The following EPHA6 variants were observed in gnomAD, a reference collection of about 807,000 sequenced individuals.
The protein encoded by EPHA6 is ephrin type-A receptor 6.
Under a neutral mutation model 112.0 loss-of-function variants are expected in EPHA6, and 50 were observed. The observed-to-expected ratio is 0.45, with a 90% CI of 0.36 to 0.56. The LOEUF (loss-of-function observed/expected upper bound fraction) is 0.56, where lower values mean the gene tolerates loss of function less well. Among genes scored for constraint, EPHA6 ranks in the 20% least tolerant of loss-of-function variants. The pLI, the probability that EPHA6 is intolerant of heterozygous loss-of-function variation, is 0.00. For missense variants in EPHA6, 1,280 were observed against 1,417.4 expected, an observed-to-expected ratio of 0.90 and a Z score of 1.56; for synonymous variants, 529 against 490.7, an observed-to-expected ratio of 1.08 and a Z score of -1.03.
intron 3 of EPHA6, among the ~76,000 whole-genome samples, chr3:97,093,114 G>T (rs1389516552): frequency 6.6e-6 from 1 of 152,098 alleles, no homozygotes; most frequent in Non-Finnish European, 1.5e-5. Context: ...GGATAGAAAT[G>T]GGAGCTGAGA....
intron 5 of EPHA6, among the ~76,000 whole-genome samples, chr3:97,286,956 T>A (rs935264342): frequency 2.0e-5 from 3 of 152,020 alleles, no homozygotes; most frequent in African/African-American, 7.2e-5. Flanking sequence ...GTCTTTCACA[T>A]TCTTGATTAA....
intron 1 of EPHA6, among the ~76,000 whole-genome samples, chr3:96,854,534 C>A (rs536829764): frequency 6.6e-6 from 1 of 151,960 alleles, no homozygotes; most frequent in African/African-American, 2.4e-5. Flanking sequence ...ATTGTAATCA[C>A]CCTGAAGGCA....
At chr3:97,166,381 A>AT (rs1553714179) in intron 3 of EPHA6, among the ~76,000 whole-genome samples, 7 of 152,048 alleles carry the variant, frequency 4.6e-5, no homozygotes, top group Non-Finnish European at 4.4e-5. Context: ...AAAAAAAAAA[A>AT]ATAACAAACG....
chr3:96,909,327 A>C (rs886628398), intron 2 of EPHA6, among the ~76,000 whole-genome samples: 1 of 151,974 alleles, frequency 6.6e-6, no homozygotes, highest in Non-Finnish European at 1.5e-5. Context: ...ATAATCTTTG[A>C]AATAGTGTTC....
intron 3 of EPHA6, among the ~76,000 whole-genome samples, chr3:97,196,112 T>G (rs1347307302): frequency 6.6e-6 from 1 of 151,426 alleles, no homozygotes; most frequent in African/African-American, 2.4e-5. Flanking sequence ...GGCCAGTAAC[T>G]CCTAGATTTG....
intron 7 of EPHA6, among the ~76,000 whole-genome samples, chr3:97,457,544 T>C (rs2090728410): frequency 6.6e-6 from 1 of 152,178 alleles, no homozygotes; most frequent in African/African-American, 2.4e-5. Flanking sequence ...AAATATTATA[T>C]GTTTATGTCA....
intron 1 of EPHA6, among the ~76,000 whole-genome samples, chr3:96,854,878 A>C (rs2035604046): frequency 6.6e-6 from 1 of 152,194 alleles, no homozygotes; most frequent in Non-Finnish European, 1.5e-5. Context: ...GTTCTCTATT[A>C]CTGCTGTAAC....
chr3:97,513,449 T>TA (rs1237771370), intron 10 of EPHA6, among the ~76,000 whole-genome samples: 1 of 152,160 alleles, frequency 6.6e-6, no homozygotes, highest in Non-Finnish European at 1.5e-5. Context: ...ATGGATTTTT[T>TA]AAAATGTGAT....
chr3:97,509,895 T>C (rs2092332682), intron 10 of EPHA6, among the ~76,000 whole-genome samples: 1 of 152,170 alleles, frequency 6.6e-6, no homozygotes, highest in Non-Finnish European at 1.5e-5. Flanking sequence ...CTTTTCATTA[T>C]TTTTTCTCTA....
chr3:96,972,461 A>G (rs1337082569), intron 2 of EPHA6, among the ~76,000 whole-genome samples: 1 of 143,642 alleles, frequency 7.0e-6, no homozygotes, highest in Non-Finnish European at 1.5e-5. Flanking sequence ...ACACACACAC[A>G]CGTATTTAGG....
At chr3:97,631,102 G>T (rs1350150130) in intron 13 of EPHA6, among the ~76,000 whole-genome samples, 1 of 151,888 alleles carries the variant, frequency 6.6e-6, no homozygotes. Context: ...TACTGCATTT[G>T]TAAACCCCAA....
At chr3:97,594,946 A>G (rs1440486938) in intron 12 of EPHA6, among the ~76,000 whole-genome samples, 1 of 152,236 alleles carries the variant, frequency 6.6e-6, no homozygotes, top group East Asian at 1.9e-4. Flanking sequence ...GTATCAGTCA[A>G]GAAATTTAAA....
At chr3:97,268,220 C>CTTCTGTCTCT (rs2079757207) in intron 5 of EPHA6, among the ~76,000 whole-genome samples, 2 of 152,092 alleles carry the variant, frequency 1.3e-5, no homozygotes, top group African/African-American at 4.8e-5. Flanking sequence ...AAAGAAAAAG[C>CTTCTGTCTCT]TTTCTTTTCT....
In EPHA6 at chr3:97,755,205, A is replaced by C. The variant is rs1464620170; in HGVS notation, c.*6504A>C. Among the ~76,000 whole-genome samples the C allele has an allele frequency of 1.3e-5, 2 of 152,344 alleles. No homozygotes were observed. Among genetic ancestry groups the C allele is most frequent in the Middle Eastern group, 3.4e-3 (1 of 294 alleles). On this transcript the variant is annotated 3_prime_UTR_variant, in exon 18 of 18. Transcript: ENST00000389672. Reference sequence around the variant, plus strand: ...AGGTATTAAAGAAAAATCACTTGACAGATGAGGAGGAAAAGTAGCTCTTAA... The same window carrying C: ...AGGTATTAAAGAAAAATCACTTGACCGATGAGGAGGAAAAGTAGCTCTTAA...
intron 5 of EPHA6, among the ~76,000 whole-genome samples, chr3:97,325,488 A>C (rs1185061741): frequency 2.6e-5 from 4 of 151,880 alleles, no homozygotes; most frequent in African/African-American, 4.8e-5. Flanking sequence ...TAACTCAATC[A>C]CTTCTTTAAA....
chr3:97,032,070 G>T (rs1367601696), intron 3 of EPHA6, among the ~76,000 whole-genome samples: 6 of 152,136 alleles, frequency 3.9e-5, no homozygotes, highest in Middle Eastern at 3.4e-3. Context: ...ATGATAGACT[G>T]GATTAAGAAA....
chr3:97,061,575 A>G (rs1237950808), intron 3 of EPHA6, among the ~76,000 whole-genome samples: 1 of 152,208 alleles, frequency 6.6e-6, no homozygotes, highest in African/African-American at 2.4e-5. Context: ...TAACACTACC[A>G]CTATATGTTT....
At position 97,638,073 on chromosome 3, in the gene EPHA6, T is replaced by C. The variant is rs768340556; in HGVS notation, c.2775T>C (p.Tyr925=). 1.2e-6 allele frequency: 2 copies of C among 1,612,270 alleles called. No individual in the cohort carries two copies. Among genetic ancestry groups the C allele is most frequent in the Non-Finnish European group, 1.7e-6 (2 of 1,178,780 alleles). ...RVLEDDPEAA[Y]TTTGGKIPIR... ...TGGAAGATGATCCAGAAGCTGCTTA[T>C]ACAACAACTGTAAGTTTATATGCCC... is the stretch of plus-strand genomic sequence containing the variant. The change falls in exon 14 of 18, where the codon TAT becomes TAC. Residue 925 remains tyrosine (Y), a synonymous_variant. Coordinates refer to ENST00000389672, the MANE Select transcript of EPHA6 (RefSeq NM_001080448.3).
intron 3 of EPHA6, among the ~76,000 whole-genome samples, chr3:97,070,736 T>C (rs2108157882): frequency 6.6e-6 from 1 of 152,236 alleles, no homozygotes. Flanking sequence ...CCTTTGTTTG[T>C]AGGAAAACAG....
Sources: gnomAD v4.1 joint callset for allele counts (sites outside exome capture counted in the v4.1 genomes callset) on GRCh38, gnomAD v4.1.1 for gene constraint, MANE v1.5 for transcripts, NCBI Gene and HGNC (gene_info 2026-07-23, HGNC 2026-07-21) for gene names.